The following FAM110B variants were observed in gnomAD, a reference collection of about 807,000 sequenced individuals.
FAM110B encodes family with sequence similarity 110 member B, also known as protein FAM110B.
A neutral mutation model predicts 20.4 loss-of-function variants in FAM110B; 6 were observed. The ratio of observed to expected loss-of-function variants is 0.29; its 90% CI spans 0.16 to 0.58. The LOEUF is 0.58. Among genes scored for constraint, FAM110B ranks in the 20% least tolerant of loss-of-function variants. The pLI is 0.90. For synonymous variants in FAM110B, 226 were observed against 214.1 expected (o/e 1.06, Z -0.49); for missense variants, 434 against 498.2 (o/e 0.87, Z 1.23).
At chr8:58,021,685 C>T (rs777342844) in intron 1 of FAM110B, among the ~76,000 whole-genome samples, 1 of 152,074 alleles carries the variant, frequency 6.6e-6, no homozygotes, top group Non-Finnish European at 1.5e-5. Context: ...CCAAGTTGAT[C>T]AACCAGTATT....
At position 57,994,621 on chromosome 8, in the gene FAM110B, C is replaced by G. The variant is rs901591473; in HGVS notation, c.-697C>G. The G allele has an allele frequency of 3.3e-5, 5 of 152,422 alleles. No individual in the cohort carries two copies. Among genetic ancestry groups the G allele is most frequent in the Non-Finnish European group, 7.3e-5 (5 of 68,288 alleles). The allele number at this position is 152,422 out of a possible 1,614,324, so 9.4% of individuals were successfully genotyped here. A position where few individuals can be genotyped will look rare whatever the true frequency, so the allele number is the denominator to read the frequency against. On this transcript the variant is annotated 5_prime_UTR_variant, in exon 1 of 4. Transcript: ENST00000519262. Reference sequence around the variant, plus strand: ...CCTTCGCGGCCGCGCGTCCTGGGCCCGTTCCGCCAGCCCCGTCTGCTCTCT... The same window carrying G: ...CCTTCGCGGCCGCGCGTCCTGGGCCGGTTCCGCCAGCCCCGTCTGCTCTCT...
Position 57,994,709 on chromosome 8 carries a change from T to A in FAM110B, c.-609T>A, listed in dbSNP as rs567861733. 1 of 152,156 alleles carries A rather than the reference T, an allele frequency of 6.6e-6. No individual in the cohort carries two copies. Among genetic ancestry groups the A allele is most frequent in the South Asian group, 2.1e-4 (1 of 4,820 alleles). The allele number at this position is 152,156 out of a possible 1,614,324, so 9.4% of individuals were successfully genotyped here. A position where few individuals can be genotyped will look rare whatever the true frequency, so the allele number is the denominator to read the frequency against. ...GGCCCCTACAGCCCGCTCTCGGCCC[T>A]TCGTCCCTCGCGGGCCCCGACTCTC... is the stretch of plus-strand genomic sequence containing the variant. On this transcript the variant is annotated 5_prime_UTR_variant, in exon 1 of 4. Coordinates refer to ENST00000519262, the MANE Select transcript of FAM110B (RefSeq NM_001377989.1).
chr8:58,114,576 G>A (rs1335941419), intron 3 of FAM110B, among the ~76,000 whole-genome samples: 1 of 152,114 alleles, frequency 6.6e-6, no homozygotes, highest in Non-Finnish European at 1.5e-5. Context: ...AACACTGACA[G>A]GCGAGTTCCC....
At chr8:58,035,464 A>C (rs919252415) in intron 2 of FAM110B, among the ~76,000 whole-genome samples, 4 of 152,228 alleles carry the variant, frequency 2.6e-5, no homozygotes, top group African/African-American at 9.6e-5. Context: ...CGTATACTTG[A>C]AACTAATGAC....
At chr8:58,113,792 T>C (rs1037947202) in intron 3 of FAM110B, among the ~76,000 whole-genome samples, 1 of 152,258 alleles carries the variant, frequency 6.6e-6, no homozygotes, top group African/African-American at 2.4e-5. Flanking sequence ...AAGAAGTGTT[T>C]GCTGGGCACA....
At chr8:58,067,021 A>T (rs1805782858) in intron 2 of FAM110B, among the ~76,000 whole-genome samples, 1 of 152,210 alleles carries the variant, frequency 6.6e-6, no homozygotes, top group South Asian at 2.1e-4. Context: ...AGCAACTGAA[A>T]CTGAGATACT....
Position 58,061,792 on chromosome 8 carries a change from A to G in FAM110B, c.-413-13743A>G, listed in dbSNP as rs967748864. 2.6e-5 allele frequency among the ~76,000 whole-genome samples: 4 copies of G among 152,230 alleles called. No individual in the cohort carries two copies. The East Asian group carries it at 5.8e-4, about 22-fold the overall frequency. On this transcript the variant is annotated intron_variant, in intron 2 of 3. Coordinates refer to ENST00000519262, the MANE Select transcript of FAM110B (RefSeq NM_001377989.1). ...ACTGTGCTTAGAAAAGGTGCCCTAC[A>G]TAGAGAGAACCCACATCTGCAAAAG...
At chr8:58,048,654 C>T (rs1805378049) in intron 2 of FAM110B, among the ~76,000 whole-genome samples, 1 of 152,218 alleles carries the variant, frequency 6.6e-6, no homozygotes, top group Non-Finnish European at 1.5e-5. Flanking sequence ...TTATTAGCTG[C>T]ATCTCTACAG....
intron 3 of FAM110B, among the ~76,000 whole-genome samples, chr8:58,141,735 T>C (rs1056473623): frequency 1.3e-5 from 2 of 152,258 alleles, no homozygotes; most frequent in African/African-American, 4.8e-5. Flanking sequence ...TATTGAATTT[T>C]TAAATCGGGA....
chr8:58,123,300 G>A (rs62513498), intron 3 of FAM110B, among the ~76,000 whole-genome samples: 12,536 of 152,184 alleles, frequency 0.082, 854 homozygotes, highest in Non-Finnish European at 0.12. Flanking sequence ...CACTCTCTCA[G>A]TTCCTGCTCT....
At chr8:58,049,965 C>T (rs1203787591) in intron 2 of FAM110B, among the ~76,000 whole-genome samples, 1 of 152,110 alleles carries the variant, frequency 6.6e-6, no homozygotes, top group South Asian at 2.1e-4. Context: ...AAGATGAACA[C>T]TTTTCCTAAT....
At chr8:58,047,636 G>T (rs1430159744) in intron 2 of FAM110B, among the ~76,000 whole-genome samples, 11 of 37,904 alleles carry the variant, frequency 2.9e-4, no homozygotes, top group Admixed American at 4.4e-4. Context: ...CTCTCTCTCT[G>T]ACTTATATAA....
At chr8:58,005,078 C>G (rs1804373208) in intron 1 of FAM110B, among the ~76,000 whole-genome samples, 2 of 152,206 alleles carry the variant, frequency 1.3e-5, no homozygotes, top group African/African-American at 4.8e-5. Context: ...TTTTGACATG[C>G]CTTCCTCATT....
At chr8:58,054,529 C>T (rs923539826) in intron 2 of FAM110B, among the ~76,000 whole-genome samples, 1 of 152,136 alleles carries the variant, frequency 6.6e-6, no homozygotes, top group Non-Finnish European at 1.5e-5. Flanking sequence ...GTGTAATTTG[C>T]TATATTTCTT....
chr8:58,010,240 T>A (rs1804502333), intron 1 of FAM110B, among the ~76,000 whole-genome samples: 1 of 151,790 alleles, frequency 6.6e-6, no homozygotes, highest in African/African-American at 2.4e-5. Flanking sequence ...CACACTGGTC[T>A]CGAACTCCTG....
At chr8:58,136,003 CTTTTT>C (rs5891669) in intron 3 of FAM110B, among the ~76,000 whole-genome samples, 10 of 71,488 alleles carry the variant, frequency 1.4e-4, no homozygotes, top group South Asian at 1.4e-3. Flanking sequence ...CCAGCAAGTC[CTTTTT>C]TTTTTTTTTT....
At chr8:58,024,376 T>A (rs1338744197) in intron 1 of FAM110B, among the ~76,000 whole-genome samples, 3 of 152,144 alleles carry the variant, frequency 2.0e-5, no homozygotes, top group African/African-American at 7.2e-5. Context: ...CTGCCTTTTT[T>A]TGGAAAGAAA....
intron 3 of FAM110B, among the ~76,000 whole-genome samples, chr8:58,131,578 C>G (rs145970657): frequency 2.6e-5 from 4 of 152,376 alleles, no homozygotes; most frequent in African/African-American, 9.6e-5. Flanking sequence ...CCCTGCCAAT[C>G]ACTTTACCAA....
At chr8:58,145,831 T>C (rs1232254593) in intron 3 of FAM110B, 76 bp from the exon 4 acceptor site, 2 of 159,138 alleles carry the variant, frequency 1.3e-5, no homozygotes, top group Non-Finnish European at 2.7e-5. Flanking sequence ...GCGGGGGCGC[T>C]GCGGGGTTTC....
Sources: gnomAD v4.1 joint callset for allele counts (sites outside exome capture counted in the v4.1 genomes callset) on GRCh38, gnomAD v4.1.1 for gene constraint, MANE v1.5 for transcripts, NCBI Gene and HGNC (gene_info 2026-07-23, HGNC 2026-07-21) for gene names.